Variants in PFKM observed in about 807,000 individuals in gnomAD.
PFKM encodes ATP-dependent 6-phosphofructokinase, muscle type.
Under a neutral mutation model 95.5 loss-of-function variants are expected in PFKM, and 58 were observed. That is an observed-to-expected ratio of 0.61 (90% CI 0.49 to 0.76). The LOEUF (loss-of-function observed/expected upper bound fraction) is 0.76, where lower values mean the gene tolerates loss of function less well. Among genes scored for constraint, PFKM ranks in the 30% least tolerant of loss-of-function variants. The probability of loss-of-function intolerance (pLI) is 0.00; values close to 1 mark genes in which losing one functional copy is unlikely to be tolerated. For missense variants in PFKM, 678 were observed against 1,005.4 expected (o/e 0.67, Z 4.40); for synonymous variants, 336 against 357.2 (o/e 0.94, Z 0.67).
chr12:48,139,280 C>T lies in PFKM; in HGVS notation c.1063-5C>T, dbSNP rs758178966. 7.1e-5 allele frequency: 115 copies of T among 1,612,790 alleles called. No individual in the cohort carries two copies. Among genetic ancestry groups the T allele is most frequent in the Admixed American group, 3.0e-4 (18 of 59,996 alleles). ...GTTGAAACTGTCGCTGTGCTCCCCC[C>T]TCAGACCAAAGATGTGACCAAGGCC... On this transcript the variant is annotated splice_polypyrimidine_tract_variant and splice_region_variant and intron_variant, in intron 11 of 22. Coordinates refer to ENST00000359794, the MANE Select transcript of PFKM (RefSeq NM_000289.6).
upstream of PFKM, chr12:48,105,828 GGCGGCCACAGC>G (rs542642635): frequency 1.4e-4 from 81 of 596,196 alleles, 1 homozygote; most frequent in South Asian, 1.4e-3. Context: ...AACGGCCACC[GGCGGCCACAGC>G]GCGGCCACCG....
At chr12:48,118,731 C>T (rs1053176085), upstream of PFKM, among the ~76,000 whole-genome samples, 10 of 152,186 alleles carry the variant, frequency 6.6e-5, no homozygotes, top group African/African-American at 2.4e-4. Flanking sequence ...GAGAAGTGGC[C>T]TCACAGACAC....
At chr12:48,140,919 T>C (rs1950529007) in intron 14 of PFKM, 48 bp downstream of exon 14, 8 of 1,602,112 alleles carry the variant, frequency 5.0e-6, no homozygotes, top group Non-Finnish European at 6.8e-6. Flanking sequence ...GGAAGATAAG[T>C]GTAGCAAGAA....
At chr12:48,115,370 A>G (rs146036814), upstream of PFKM, among the ~76,000 whole-genome samples, 1,250 of 152,334 alleles carry the variant, frequency 8.2e-3, 14 homozygotes, top group Middle Eastern at 0.02. Context: ...GTGGTGGATT[A>G]TCATTAGTTC....
chr12:48,118,509 G>A, upstream of PFKM: 1 of 1,520,380 alleles, frequency 6.6e-7, no homozygotes, highest in Non-Finnish European at 8.8e-7. Context: ...ATACAAGTAA[G>A]CAAGAGGAAG....
intron 2 of PFKM, chr12:48,125,546 G>A (rs1008802393): frequency 5.9e-5 from 16 of 269,284 alleles, no homozygotes; most frequent in South Asian, 2.5e-4. Flanking sequence ...GCTTGAACCC[G>A]GGAGGCAGAG....
chr12:48,106,343 T>G (rs1003071315), intron 1 of PFKM: 4 of 537,766 alleles, frequency 7.4e-6, no homozygotes, highest in East Asian at 6.8e-5. Context: ...TGCTTTTCTC[T>G]GTTCCCTCTG....
chr12:48,129,210 CTTTTTTTTTTTTTTTTT>C (rs778761447), intron 2 of PFKM, among the ~76,000 whole-genome samples: 936 of 22,144 alleles, frequency 0.042, 35 homozygotes, highest in African/African-American at 0.12. Context: ...AATTTTCTTT[CTTTTTTTTTTTTTTTTT>C]TTTTTTTTTT....
At chr12:48,135,170 T>A in intron 9 of PFKM, 121 bp from the exon 10 acceptor site, 1 of 1,121,180 alleles carries the variant, frequency 8.9e-7, no homozygotes, top group Non-Finnish European at 1.4e-6. Flanking sequence ...CCTGATTGCC[T>A]CCCACAAAGA....
intron 3 of PFKM, among the ~76,000 whole-genome samples, chr12:48,114,168 C>A (rs1475130482): frequency 1.3e-5 from 2 of 152,034 alleles, no homozygotes; most frequent in Admixed American, 6.6e-5. Flanking sequence ...TGCGATTGGG[C>A]TAGAGAAAAA....
intron 6 of PFKM, 43 bp downstream of exon 6, chr12:48,133,523 T>C (rs1343336876): frequency 6.4e-7 from 1 of 1,562,584 alleles, no homozygotes; most frequent in Non-Finnish European, 8.8e-7. Flanking sequence ...AGATGGCAGC[T>C]AGGACAGGCT....
intron 3 of PFKM, among the ~76,000 whole-genome samples, chr12:48,113,530 G>A (rs1214986362): frequency 6.6e-6 from 1 of 152,208 alleles, no homozygotes; most frequent in African/African-American, 2.4e-5. Flanking sequence ...ATGGGACATG[G>A]CTTAGGAGGA....
intron 1 of PFKM, among the ~76,000 whole-genome samples, chr12:48,120,699 A>G (rs1948165536): frequency 1.3e-5 from 2 of 152,258 alleles, no homozygotes; most frequent in Admixed American, 1.3e-4. Flanking sequence ...TTCACATGTC[A>G]TGAAGTACTT....
rs2135886253 is a variant in PFKM, at chr12:48,133,009, A to ACCTTC, written c.381_385dup (p.Arg129ProfsTer10). The stretch of plus-strand genomic sequence containing the variant: ...TGATGGCAGCCTCACTGGGGCTGAC[A>ACCTTC]CCTTCCGTTCTGAGTGGAGTGACTT... On this transcript the variant is annotated frameshift_variant, in exon 5 of 23. Coordinates refer to ENST00000359794, the MANE Select transcript of PFKM (RefSeq NM_000289.6). LOFTEE classifies it high-confidence loss of function. 1 of 1,614,168 alleles carries ACCTTC rather than the reference A, an allele frequency of 6.2e-7. No individual in the cohort carries two copies. The highest frequency in any genetic ancestry group is 8.5e-7 in the Non-Finnish European group (1 of 1,180,032).
chr12:48,114,492 TG>T (rs1947495646), upstream of PFKM, among the ~76,000 whole-genome samples: 6 of 151,880 alleles, frequency 4.0e-5, no homozygotes, highest in South Asian at 1.3e-3. Flanking sequence ...GTTATAGGGT[TG>T]GGGAGCAAAG....
upstream of PFKM, chr12:48,119,357 C>G (rs1231475049): frequency 2.0e-6 from 2 of 985,442 alleles, no homozygotes; most frequent in East Asian, 1.1e-4. Flanking sequence ...CCCCCTTTCC[C>G]AAGGACAATC....
Position 48,134,960 on chromosome 12 carries a change from T to G in PFKM, c.765T>G (p.Ser255=), listed in dbSNP as rs1949928739. 1 of 1,614,108 alleles carries G rather than the reference T, an allele frequency of 6.2e-7. No homozygotes were observed. Among genetic ancestry groups the G allele is most frequent in the African/African-American group, 1.3e-5 (1 of 75,048 alleles). The change falls in exon 9 of 23, where the codon TCT becomes TCG. Residue 255 remains serine, a synonymous_variant. Coordinates refer to ENST00000359794, the MANE Select transcript of PFKM (RefSeq NM_000289.6). ...RRLSETRTRG[S]RLNIIIVAEG... ...TCAACCAGACAAGGACCCGTGGTTC[T>G]CGTCTCAACATCATCATTGTGGCTG...
rs1951006174 is a variant in PFKM at position 48,145,871 on chromosome 12, G to GT, written c.*164dup. 6 of 685,846 alleles carry GT rather than the reference G, an allele frequency of 8.7e-6. No individual in the cohort carries two copies. The highest frequency in any genetic ancestry group is 1.5e-5 in the Non-Finnish European group (6 of 399,620). 42.5% of individuals were successfully genotyped at this position (685,846 alleles called of 1,614,324 possible). A position where few individuals can be genotyped will look rare whatever the true frequency, so the allele number is the denominator to read the frequency against. The stretch of plus-strand genomic sequence containing the variant: ...TGGCCAGGAGCTGGAGGAGCAGGCA[G>GT]TGGGTGGGAGCTCCTTTTAGGTAGA... On this transcript the variant is annotated 3_prime_UTR_variant, in exon 23 of 23. Transcript: ENST00000359794. The surrounding 1 kb of genome is among the most constrained non-coding windows in gnomAD (Gnocchi z 4.3).
At position 48,134,274 on chromosome 12, in the gene PFKM, T is replaced by C; in HGVS notation, c.636T>C (p.Cys212=). The stretch of plus-strand genomic sequence containing the variant: ...TGTTAGAAGTAATGGGCCGCCACTG[T>C]GGGTAAGATCCTCATTCTGACCCAT... ...TFVLEVMGRH[C]GYLALVTSLS... The change falls in exon 7 of 23, where the codon TGT becomes TGC. Residue 212 remains cysteine (C), a splice_region_variant and synonymous_variant. Transcript: ENST00000359794. 6.2e-7 allele frequency: 1 copy of C among 1,613,358 alleles called. No homozygotes were observed. Among genetic ancestry groups the C allele is most frequent in the East Asian group, 2.2e-5 (1 of 44,882 alleles).
Sources: allele counts gnomAD v4.1 joint callset (sites outside exome capture counted in the v4.1 genomes callset), GRCh38; gene constraint gnomAD v4.1.1; non-coding constraint Gnocchi (gnomAD v3.1); transcripts MANE v1.5; gene names NCBI Gene and HGNC (gene_info 2026-07-23, HGNC 2026-07-21).